Variants in MYO1F observed in about 807,000 individuals in gnomAD.
MYO1F encodes the protein myosin IF.
A neutral mutation model predicts 146.6 loss-of-function variants in MYO1F; 60 were observed. The observed-to-expected ratio is 0.41, with a 90% CI of 0.33 to 0.51. MYO1F has a LOEUF of 0.51. Ranked by LOEUF, MYO1F falls within the 20% of genes least tolerant of loss-of-function variation. The pLI is 0.25. For synonymous variants in MYO1F, 602 were observed against 602.1 expected (o/e 1.00, Z 0.00); for missense variants, 1,274 against 1,534.3 (o/e 0.83, Z 2.83).
rs370540290 is a variant in MYO1F, at chr19:8,526,952, G to A, written c.2475-17C>T. On this transcript the variant is annotated splice_polypyrimidine_tract_variant and intron_variant, in intron 22 of 27. Transcript: ENST00000644032. ...TGTCGCGTGCTGGGGAGGGGCGGGT[G>A]AGAGCGTCAGGTGGGACACAGGTGA... 62 of 1,613,076 alleles carry A rather than the reference G, an allele frequency of 3.8e-5. No individual in the cohort carries two copies. The highest frequency in any genetic ancestry group is 5.1e-5 in the Non-Finnish European group (60 of 1,180,006).
chr19:8,561,434 C>T (rs1974114016), intron 1 of MYO1F, among the ~76,000 whole-genome samples: 1 of 99,986 alleles, frequency 1.0e-5, no homozygotes, highest in South Asian at 4.5e-4. Flanking sequence ...TTTCTCCTCT[C>T]CCTCCCTTCC....
chr19:8,526,669 TGGGGCAGGGG>T, intron 23 of MYO1F, 68 bp from the exon 24 acceptor site: 1 of 1,553,838 alleles, frequency 6.4e-7, no homozygotes, highest in Non-Finnish European at 8.7e-7. Context: ...TCTCGCTGGT[TGGGGCAGGGG>T]CGGGGCCGCG....
At chr19:8,532,035 T>C (rs967075829) in intron 19 of MYO1F, among the ~76,000 whole-genome samples, 1 of 151,954 alleles carries the variant, frequency 6.6e-6, no homozygotes, top group African/African-American at 2.4e-5. Context: ...GGAGAATCGC[T>C]TGAACTCGGG....
chr19:8,575,502 T>C (rs4804313), intron 1 of MYO1F, among the ~76,000 whole-genome samples: 102,803 of 151,438 alleles, frequency 0.68, 35,529 homozygotes, highest in East Asian at 0.8. Context: ...AGCTCGGGCT[T>C]GCTTGCCTGC....
intron 1 of MYO1F, among the ~76,000 whole-genome samples, chr19:8,560,278 A>T (rs1308955060): frequency 5.3e-5 from 8 of 151,830 alleles, no homozygotes; most frequent in Admixed American, 2.0e-4. Context: ...AGGTCAGGAG[A>T]TCGAGACCAT....
At chr19:8,540,065 G>C (rs776267777) in intron 15 of MYO1F, 37 bp from the exon 16 acceptor site, 1 of 1,564,912 alleles carries the variant, frequency 6.4e-7, no homozygotes. Context: ...TTGGAGGTAT[G>C]GCTAGACTTT....
At position 8,555,770 on chromosome 19, in the gene MYO1F, C is replaced by T. The variant is rs781418500; in HGVS notation, c.30G>A (p.Gln10=). Residue 10 remains glutamine (Q), a synonymous_variant, in exon 2 of 28, where the codon CAG becomes CAA. Transcript: ENST00000644032. MGSKERFHW[Q]SHNVKQSGVD... ...CGCCGCTCTGCTTCACGTTGTGGCT[C>T]TGCCAGTGGAAGCGCTCCTTGCTGC... is the stretch of plus-strand genomic sequence containing the variant. The T allele has an allele frequency of 2.5e-6, 4 of 1,613,808 alleles. No homozygotes were observed. The highest frequency in any genetic ancestry group is 3.4e-6 in the Non-Finnish European group (4 of 1,180,006).
intron 1 of MYO1F, among the ~76,000 whole-genome samples, chr19:8,568,422 C>CA (rs55833513): frequency 0.28 from 18,158 of 65,920 alleles, 2,831 homozygotes; most frequent in South Asian, 0.37. Context: ...GACTCCGTCT[C>CA]AAAAAAAAAA....
Position 8,553,361 on chromosome 19 carries a change from C to G in MYO1F, c.403G>C (p.Glu135Gln), listed in dbSNP as rs201364078. The G allele has an allele frequency of 2.2e-4, 356 of 1,613,956 alleles. No homozygotes were observed. Among genetic ancestry groups the G allele is most frequent in the Non-Finnish European group, 2.9e-4 (342 of 1,180,010 alleles). The change falls in exon 5 of 28, where the codon GAG becomes CAG. Residue 135 changes from glutamate (E) to glutamine (Q), a missense_variant. Physicochemically the swap from Glu to Gln is conservative, Grantham distance 29. Transcript: ENST00000644032. ...GYISKVSGGG[E>Q]KVQHVKDIIL... is the part of the protein sequence containing the mutation. ...TTTCCTCGTCTCACCTGGACCTTCT[C>G]GCCTCCGCCAGACACCTTGGAGATG...
intron 12 of MYO1F, among the ~76,000 whole-genome samples, chr19:8,547,300 CAAA>C (rs1196814670): frequency 1.0e-3 from 45 of 44,986 alleles, no homozygotes; most frequent in Middle Eastern, 0.04. Flanking sequence ...GTTCCTGTCT[CAAA>C]AAAAAAAAAA....
chr19:8,551,994 C>T (rs1204049473), intron 7 of MYO1F, 39 bp downstream of exon 7: 3 of 1,613,780 alleles, frequency 1.9e-6, no homozygotes, highest in Non-Finnish European at 8.5e-7. Context: ...CCGCTGGGCT[C>T]CAGGTGGTGC....
At chr19:8,560,873 G>A (rs1320475250) in intron 1 of MYO1F, among the ~76,000 whole-genome samples, 1 of 151,876 alleles carries the variant, frequency 6.6e-6, no homozygotes, top group Non-Finnish European at 1.5e-5. Context: ...CGAGTAGCTG[G>A]GACTACAGGC....
chr19:8,561,350 T>TTACCTCCC (rs1974093055), intron 1 of MYO1F, among the ~76,000 whole-genome samples: 1 of 118,910 alleles, frequency 8.4e-6, no homozygotes, highest in African/African-American at 3.4e-5. Flanking sequence ...TCAGCATGAA[T>TTACCTCCC]TCCCTCCCTC....
chr19:8,563,110 G>C (rs1033229995), intron 1 of MYO1F, among the ~76,000 whole-genome samples: 13 of 151,552 alleles, frequency 8.6e-5, no homozygotes, highest in African/African-American at 2.7e-4. Flanking sequence ...TCCTGTCTCA[G>C]CCTCCCGAGT....
In MYO1F at chr19:8,545,751, G is replaced by T. The variant is rs760465699; in HGVS notation, c.1270-15C>A. On this transcript the variant is annotated splice_polypyrimidine_tract_variant and intron_variant, in intron 12 of 27. Coordinates refer to ENST00000644032, the MANE Select transcript of MYO1F (RefSeq NM_012335.4). ...ACATACTCCTCCTGGGGTGGAAAAG[G>T]GGGTGGATGTGGGGGCCAGTGAAAA... is the stretch of plus-strand genomic sequence containing the variant. 4 of 1,606,190 alleles carry T rather than the reference G, an allele frequency of 2.5e-6. No individual in the cohort carries two copies. Among genetic ancestry groups the T allele is most frequent in the African/African-American group, 2.7e-5 (2 of 74,734 alleles).
Position 8,541,917 on chromosome 19 carries a change from C to T in MYO1F, c.1599G>A (p.Gln533=). ...CTGGGACCACTCACTGCTCACTGGT[C>T]TGCATCAGCTCTATGAGGTCGGAGA... ...VLFSDLIELM[Q]TSEQAFLRML... The change falls in exon 15 of 28, where the codon CAG becomes CAA. Residue 533 remains glutamine (Q), a synonymous_variant. Transcript: ENST00000644032. 1 of 1,613,586 alleles carries T rather than the reference C, an allele frequency of 6.2e-7. No homozygotes were observed.
chr19:8,525,716 A>G (rs1972239486), intron 24 of MYO1F, among the ~76,000 whole-genome samples, 154 bp from the exon 25 acceptor site: 1 of 151,874 alleles, frequency 6.6e-6, no homozygotes, highest in Non-Finnish European at 1.5e-5. Flanking sequence ...GGCTCCGCCC[A>G]CTAATTGGCC....
At chr19:8,574,625 CTT>C (rs1202296302) in intron 1 of MYO1F, among the ~76,000 whole-genome samples, 2,559 of 51,938 alleles carry the variant, frequency 0.049, 65 homozygotes, top group East Asian at 0.14. Flanking sequence ...TTCTTTCTTT[CTT>C]TCTTTCTTTC....
intron 2 of MYO1F, among the ~76,000 whole-genome samples, chr19:8,554,963 C>T (rs1472658347): frequency 6.6e-6 from 1 of 152,040 alleles, no homozygotes; most frequent in Non-Finnish European, 1.5e-5. Flanking sequence ...GCAGGCGGAT[C>T]ACTTGAGGTC....
Sources: allele counts gnomAD v4.1 joint callset (sites outside exome capture counted in the v4.1 genomes callset), GRCh38; gene constraint gnomAD v4.1.1; transcripts MANE v1.5; gene names NCBI Gene and HGNC (gene_info 2026-07-23, HGNC 2026-07-21).